NCKAP5: variants seen among roughly 807,000 people sequenced by gnomAD.
NCKAP5 encodes NCK associated protein 5, also known as nck-associated protein 5.
A neutral mutation model predicts 167.0 loss-of-function variants in NCKAP5; 92 were observed. That is an observed-to-expected ratio of 0.55 (90% CI 0.47 to 0.66). The LOEUF is 0.66. NCKAP5 is among the 30% of genes least tolerant of loss of function. The probability of loss-of-function intolerance (pLI) is 0.00; values close to 1 mark genes in which losing one functional copy is unlikely to be tolerated. For synonymous variants in NCKAP5, 891 were observed against 877.4 expected (o/e 1.02, Z -0.27); for missense variants, 2,378 against 2,315.0 (o/e 1.03, Z -0.56).
At chr2:132,876,845 G>A (rs1215160486) in intron 9 of NCKAP5, among the ~76,000 whole-genome samples, 1 of 152,154 alleles carries the variant, frequency 6.6e-6, no homozygotes, top group Non-Finnish European at 1.5e-5. Context: ...CTGATGAAAC[G>A]TACGGAGTGC....
At chr2:133,614,822 A>G in the NCKAP5 span, among the ~76,000 whole-genome samples, 1 of 151,816 alleles carries the variant, frequency 6.6e-6, no homozygotes, top group Non-Finnish European at 1.5e-5. Flanking sequence ...CTCCTCGAGA[A>G]GAGCAACTCC....
Position 132,694,364 on chromosome 2 carries a change from A to G in NCKAP5, c.5714-21059T>C, listed in dbSNP as rs544152644. ...GGAAGTCTATTTGGATGCACACATCAGCACGCCTGCTGTGCAGTGTGCTGC... is the reference window on the plus strand; with the variant it reads ...GGAAGTCTATTTGGATGCACACATCGGCACGCCTGCTGTGCAGTGTGCTGC... On this transcript the variant is annotated intron_variant, in intron 19 of 19. Coordinates refer to ENST00000409261, the MANE Select transcript of NCKAP5 (RefSeq NM_207363.3). Among the ~76,000 whole-genome samples, 32 of 152,318 alleles carry G rather than the reference A, an allele frequency of 2.1e-4. No homozygotes were observed. The South Asian group carries it at 6.4e-3, about 31-fold the overall frequency.
chr2:132,844,212 T>G (rs1485177516), intron 11 of NCKAP5, among the ~76,000 whole-genome samples: 2 of 152,176 alleles, frequency 1.3e-5, no homozygotes, highest in African/African-American at 4.8e-5. Context: ...TGTATGCATA[T>G]ATTTTTTCTC....
At chr2:133,366,620 C>A (rs1685475196) in intron 3 of NCKAP5, among the ~76,000 whole-genome samples, 1 of 152,094 alleles carries the variant, frequency 6.6e-6, no homozygotes, top group African/African-American at 2.4e-5. Context: ...ATATTTGAAT[C>A]AAATATTGGC....
intron 3 of NCKAP5, among the ~76,000 whole-genome samples, chr2:133,326,691 A>T (rs940119834): frequency 3.9e-5 from 6 of 151,984 alleles, no homozygotes; most frequent in Non-Finnish European, 5.9e-5. Context: ...ATCTCCACTG[A>T]CCTCTACCCC....
chr2:133,338,164 T>C (rs1030823408), intron 3 of NCKAP5, among the ~76,000 whole-genome samples: 1 of 152,136 alleles, frequency 6.6e-6, no homozygotes, highest in Non-Finnish European at 1.5e-5. Flanking sequence ...CATAATTTGG[T>C]TAAGAAAAAA....
At chr2:133,008,031 G>C (rs193010890) in intron 6 of NCKAP5, among the ~76,000 whole-genome samples, 4 of 152,288 alleles carry the variant, frequency 2.6e-5, no homozygotes, top group African/African-American at 9.6e-5. Context: ...TCTTCTATGT[G>C]TGCATTGTGA....
intron 3 of NCKAP5, among the ~76,000 whole-genome samples, chr2:133,344,442 G>A (rs990322647): frequency 3.3e-5 from 5 of 151,770 alleles, no homozygotes; most frequent in Middle Eastern, 6.9e-3. Context: ...AAAACGCGAG[G>A]CAGGGAGTTG....
At chr2:132,874,990 T>A (rs1420834916) in intron 9 of NCKAP5, among the ~76,000 whole-genome samples, 1 of 152,150 alleles carries the variant, frequency 6.6e-6, no homozygotes, top group Non-Finnish European at 1.5e-5. Flanking sequence ...AACTTCCACA[T>A]GGGTCTGTGC....
intron 8 of NCKAP5, among the ~76,000 whole-genome samples, chr2:132,929,196 G>A (rs980818405): frequency 1.3e-5 from 2 of 151,888 alleles, no homozygotes; most frequent in Admixed American, 6.6e-5. Flanking sequence ...TTTGGATTTC[G>A]CAGCCTCCAC....
At chr2:133,130,312 G>T (rs1176741389) in intron 5 of NCKAP5, among the ~76,000 whole-genome samples, 1 of 152,104 alleles carries the variant, frequency 6.6e-6, no homozygotes, top group Non-Finnish European at 1.5e-5. Context: ...TTTGTGCAAG[G>T]TCATATAAAC....
intron 6 of NCKAP5, among the ~76,000 whole-genome samples, chr2:133,050,108 C>T (rs1181163401): frequency 2.0e-5 from 3 of 152,172 alleles, no homozygotes; most frequent in African/African-American, 7.2e-5. Context: ...AATTTAGCAC[C>T]TGCTGGGTTT....
chr2:133,287,100 C>G (rs749739910), intron 4 of NCKAP5, among the ~76,000 whole-genome samples: 1 of 152,324 alleles, frequency 6.6e-6, no homozygotes, highest in East Asian at 1.9e-4. Flanking sequence ...AATGCCCTTT[C>G]TAGTTCTAAA....
At position 132,934,107 on chromosome 2, in the gene NCKAP5, C is replaced by A. The variant is rs528338989; in HGVS notation, c.579+29613G>T. On this transcript the variant is annotated intron_variant, in intron 8 of 19. Coordinates refer to ENST00000409261, the MANE Select transcript of NCKAP5 (RefSeq NM_207363.3). The stretch of plus-strand genomic sequence containing the variant: ...ATCTTAACTATGGCATTAGAAAAGT[C>A]ATTATAACTTTATGCATAAGTTGTT... 7.9e-5 allele frequency among the ~76,000 whole-genome samples: 12 copies of A among 152,268 alleles called. No individual in the cohort carries two copies. In the East Asian group the frequency reaches 1.5e-3, roughly 20 times the overall value.
intron 2 of NCKAP5, among the ~76,000 whole-genome samples, chr2:133,552,468 C>G (rs1392822335): frequency 6.8e-6 from 1 of 147,268 alleles, no homozygotes; most frequent in Non-Finnish European, 1.5e-5. Flanking sequence ...AATTGGAAAT[C>G]ATCATTCTCA....
chr2:132,848,539 T>C (rs923338398), intron 11 of NCKAP5, among the ~76,000 whole-genome samples: 3 of 152,206 alleles, frequency 2.0e-5, no homozygotes, highest in African/African-American at 7.2e-5. Flanking sequence ...GTATAATGTG[T>C]TCTATTTTGA....
At chr2:133,072,585 C>T (rs548054914) in intron 6 of NCKAP5, among the ~76,000 whole-genome samples, 2 of 152,282 alleles carry the variant, frequency 1.3e-5, no homozygotes, top group African/African-American at 4.8e-5. Flanking sequence ...AGAGTCCCAA[C>T]TGTTATTTTC....
chr2:133,496,277 T>C (rs751009174), intron 3 of NCKAP5, among the ~76,000 whole-genome samples: 1 of 152,214 alleles, frequency 6.6e-6, no homozygotes, highest in Non-Finnish European at 1.5e-5. Flanking sequence ...CCTGAGCTAC[T>C]TGTTCATTTC....
At chr2:133,437,317 C>T (rs1307704120) in intron 3 of NCKAP5, among the ~76,000 whole-genome samples, 2 of 151,038 alleles carry the variant, frequency 1.3e-5, no homozygotes, top group Admixed American at 6.6e-5. Flanking sequence ...CGTGCCATTG[C>T]ACTCCAGCCT....
Sources: allele counts gnomAD v4.1 joint callset (sites outside exome capture counted in the v4.1 genomes callset), GRCh38; gene constraint gnomAD v4.1.1; transcripts MANE v1.5; gene names NCBI Gene and HGNC (gene_info 2026-07-23, HGNC 2026-07-21).